STARD3: variants seen among roughly 807,000 people sequenced by gnomAD.
The protein encoded by STARD3 is StAR related lipid transfer domain containing 3, also known as stAR-related lipid transfer protein 3.
STARD3 carries 39 observed loss-of-function variants against 62.0 expected under a neutral mutation model. The observed-to-expected ratio is 0.63, with a 90% confidence interval of 0.49 to 0.82. STARD3 has a LOEUF of 0.82. Among genes scored for constraint, STARD3 ranks in the 40% least tolerant of loss-of-function variants. STARD3 has a pLI of 0.00. For synonymous variants in STARD3, 229 were observed against 242.4 expected, an observed-to-expected ratio of 0.94 and a Z score of 0.51; for missense variants, 543 against 584.5, an observed-to-expected ratio of 0.93 and a Z score of 0.73.
chr17:39,638,041 C>G (rs1011026861), intron 1 of STARD3, among the ~76,000 whole-genome samples: 3 of 152,222 alleles, frequency 2.0e-5, no homozygotes, highest in Non-Finnish European at 4.4e-5. Context: ...TTGAACTGGT[C>G]TTTTCCTTGC....
Position 39,660,342 on chromosome 17 carries a change from C to G in STARD3, c.858+69C>G. On this transcript the variant is annotated intron_variant, in intron 10 of 14. Coordinates refer to ENST00000336308, the MANE Select transcript of STARD3 (RefSeq NM_006804.4). This position sits in a 1 kb window ranked among gnomAD's most constrained non-coding sequence, Gnocchi z 4.8. The stretch of plus-strand genomic sequence containing the variant: ...GAGGCTCCAGGAAGGTGCCGAGGGG[C>G]CCTCTGGTGGGTGCCCCCCACCAAG... 6.2e-7 allele frequency: 1 copy of G among 1,611,134 alleles called. No individual in the cohort carries two copies. The highest frequency in any genetic ancestry group is 8.5e-7 in the Non-Finnish European group (1 of 1,177,780).
rs1434859734 is a variant in STARD3 at position 39,657,031 on chromosome 17, C to G, written c.243C>G (p.Asn81Lys). ...ELNTNTGIRK[N>K]LEQEIIQYNF... ...AGACCAACACAGGCATCCGTAAGAA[C>G]TTGGAGCAGGAGATCATCCAGTACA... Residue 81 changes from asparagine (N) to lysine (K), a missense_variant, in exon 3 of 15, where the codon AAC becomes AAG. By Grantham distance (94) the Asn-to-Lys change is moderately conservative (BLOSUM62 0). Transcript: ENST00000336308. 6.2e-7 allele frequency: 1 copy of G among 1,614,090 alleles called. No individual in the cohort carries two copies. Among genetic ancestry groups the G allele is most frequent in the African/African-American group, 1.3e-5 (1 of 74,934 alleles).
intron 2 of STARD3, among the ~76,000 whole-genome samples, chr17:39,654,922 A>G (rs1404265887): frequency 1.3e-5 from 2 of 152,210 alleles, no homozygotes; most frequent in East Asian, 1.9e-4. Context: ...TCTGAGGGTG[A>G]CTGTCGATTG....
At position 39,662,847 on chromosome 17, in the gene STARD3, C is replaced by A. The variant is rs2057215522; in HGVS notation, c.1277C>A (p.Thr426Asn). ...RYLIHQSLAATMFEFAFHLRQ... is the reference protein window; with the variant it reads ...RYLIHQSLAANMFEFAFHLRQ... Reference sequence around the variant, plus strand: ...CTCATCCACCAGAGCCTCGCGGCCACCATGTTTGAATTTGCCTTTCACCTG... The same window carrying A: ...CTCATCCACCAGAGCCTCGCGGCCAACATGTTTGAATTTGCCTTTCACCTG... The change falls in exon 15 of 15, where the codon ACC (threonine) becomes AAC (asparagine). Residue 426 changes from threonine (T) to asparagine (N), a missense_variant. Transcript: ENST00000336308. The A allele has an allele frequency of 6.2e-7, 1 of 1,612,426 alleles. No individual in the cohort carries two copies. Among genetic ancestry groups the A allele is most frequent in the Non-Finnish European group, 8.5e-7 (1 of 1,179,434 alleles).
At chr17:39,643,655 C>CT (rs36006473) in intron 1 of STARD3, among the ~76,000 whole-genome samples, 5,470 of 152,286 alleles carry the variant, frequency 0.036, 224 homozygotes, top group African/African-American at 0.1. Context: ...GGGCCTCTGC[C>CT]TTCTACCCTC....
intron 2 of STARD3, among the ~76,000 whole-genome samples, 163 bp downstream of exon 2, chr17:39,653,913 A>G (rs1051597793): frequency 1.3e-5 from 2 of 152,148 alleles, no homozygotes; most frequent in Non-Finnish European, 2.9e-5. Flanking sequence ...GAATGAAGGA[A>G]TGTGGAGGGG....
chr17:39,655,110 A>G (rs1423712168), intron 2 of STARD3, among the ~76,000 whole-genome samples: 1 of 152,244 alleles, frequency 6.6e-6, no homozygotes, highest in African/African-American at 2.4e-5. Flanking sequence ...AGCAAACACT[A>G]AAACTTACCT....
At chr17:39,638,657 A>C (rs970609000) in intron 1 of STARD3, among the ~76,000 whole-genome samples, 2 of 152,220 alleles carry the variant, frequency 1.3e-5, no homozygotes, top group Admixed American at 6.5e-5. Context: ...ATAGTAGCTG[A>C]GAATACAGAC....
At position 39,659,465 on chromosome 17, in the gene STARD3, G is replaced by A. The variant is rs570723359; in HGVS notation, c.707G>A (p.Arg236Gln). 10 of 1,613,912 alleles carry A rather than the reference G, an allele frequency of 6.2e-6. No individual in the cohort carries two copies. In the Admixed American group the frequency reaches 6.7e-5, roughly 11 times the overall value. Residue 236 changes from arginine (R) to glutamine (Q), a missense_variant, in exon 9 of 15, where the codon CGG becomes CAG. Transcript: ENST00000336308. The part of the protein sequence containing the change: ...AGKKSFSAQE[R>Q]EYIRQGKEAT... ...CTGCCTCCTGCTTCCGTCCAGGAGC[G>A]GGAGTACATCCGCCAGGGGAAGGAG...
intron 1 of STARD3, among the ~76,000 whole-genome samples, chr17:39,644,021 C>T (rs2057003062): frequency 6.6e-6 from 1 of 152,232 alleles, no homozygotes; most frequent in South Asian, 2.1e-4. Context: ...CTCTCAGCTT[C>T]ACTGATCCTT....
intron 2 of STARD3, among the ~76,000 whole-genome samples, chr17:39,656,528 A>G (rs1433125279): frequency 1.3e-5 from 2 of 152,188 alleles, no homozygotes; most frequent in African/African-American, 4.8e-5. Context: ...CCCATTAAGC[A>G]TAAACCTAAT....
At chr17:39,661,561 C>A (rs946176798) in intron 13 of STARD3, among the ~76,000 whole-genome samples, 12 of 152,224 alleles carry the variant, frequency 7.9e-5, no homozygotes, top group African/African-American at 2.9e-4. Context: ...GGCCTTCCCG[C>A]ATCTGTGCCT....
Position 39,662,540 on chromosome 17 carries a change from C to T in STARD3, c.1233+196C>T, listed in dbSNP as rs763023545. ...GGGTTGCTGTAGGGCATGTGCCCCC[C>T]CTTCTTACCTCTGAGTCCTGAGGCC... On this transcript the variant is annotated intron_variant, in intron 14 of 14. Transcript: ENST00000336308. 25 of 644,292 alleles carry T rather than the reference C, an allele frequency of 3.9e-5. No individual in the cohort carries two copies. In the Admixed American group the frequency reaches 4.0e-4, roughly 10 times the overall value. 39.9% of individuals were successfully genotyped at this position (644,292 alleles called of 1,614,324 possible).
chr17:39,657,983 T>A lies in STARD3; in HGVS notation c.386T>A (p.Leu129Gln). ...CCCTCCCCTGGGCAGGTCACGACGC[T>A]GGTGTCCAGTGCATTCCTCATTGTC... is the stretch of plus-strand genomic sequence containing the variant. ...RHWWVIAVTT[L>Q]VSSAFLIVKV... is the part of the protein sequence containing the mutation. Residue 129 changes from leucine to glutamine, a missense_variant, in exon 5 of 15, where the codon CTG becomes CAG. Transcript: ENST00000336308. The A allele has an allele frequency of 1.3e-6, 2 of 1,579,632 alleles. No homozygotes were observed. The highest frequency in any genetic ancestry group is 1.7e-6 in the Non-Finnish European group (2 of 1,162,642).
rs2057186777 is a variant in STARD3 at position 39,660,672 on chromosome 17, G to A, written c.955-138G>A. 3 of 1,347,548 alleles carry A rather than the reference G, an allele frequency of 2.2e-6. No homozygotes were observed. The highest frequency in any genetic ancestry group is 3.1e-6 in the Non-Finnish European group (3 of 960,398). The allele number at this position is 1,347,548 out of a possible 1,614,324, so 83.5% of individuals were successfully genotyped here. A position where few individuals can be genotyped will look rare whatever the true frequency, so the allele number is the denominator to read the frequency against. Reference sequence around the variant, plus strand: ...TGCCTGCTCGGGAGGGTCGGGAGGAGGGCAGGAGGAGTGCTCATCAGGCGC... The same window carrying A: ...TGCCTGCTCGGGAGGGTCGGGAGGAAGGCAGGAGGAGTGCTCATCAGGCGC... On this transcript the variant is annotated intron_variant, in intron 11 of 14. Coordinates refer to ENST00000336308, the MANE Select transcript of STARD3 (RefSeq NM_006804.4). The surrounding 1 kb of genome is among the most constrained non-coding windows in gnomAD (Gnocchi z 4.8).
rs1010774329 is a variant in STARD3 at position 39,661,080 on chromosome 17, T to C, written c.1134T>C (p.Tyr378=). 1.9e-6 allele frequency: 3 copies of C among 1,613,472 alleles called. No homozygotes were observed. The highest frequency in any genetic ancestry group is 2.5e-6 in the Non-Finnish European group (3 of 1,179,988). ...SHSAKPPTHK[Y]VRGENGPGGF... is the part of the protein sequence containing the mutation. ...GTGCCAAGCCCCCGACGCACAAATA[T>C]GTCCGGTGAGCCTCACTTTGCCTGG... The change falls in exon 13 of 15, where the codon TAT becomes TAC. Residue 378 remains tyrosine, a synonymous_variant. Transcript: ENST00000336308.
Position 39,663,409 on chromosome 17 carries a change from C to CCTCTCCCAGGCTGTT in STARD3, c.*502_*503insTCTCCCAGGCTGTTC. The CCTCTCCCAGGCTGTT allele has an allele frequency of 3.9e-6, 1 of 254,036 alleles. No homozygotes were observed. Among genetic ancestry groups the CCTCTCCCAGGCTGTT allele is most frequent in the Non-Finnish European group, 7.4e-6 (1 of 134,472 alleles). 15.7% of individuals were successfully genotyped at this position (254,036 alleles called of 1,614,324 possible). ...TGAATCTCTGCCTCTCCCAGGCTGTCCCCCTCCTCCCAGGGCCTCCTGGGG... is the reference window on the plus strand; with the variant it reads ...TGAATCTCTGCCTCTCCCAGGCTGTCCTCTCCCAGGCTGTTCCCCTCCTCCCAGGGCCTCCTGGGG... On this transcript the variant is annotated 3_prime_UTR_variant, in exon 15 of 15. Transcript: ENST00000336308.
chr17:39,649,461 A>G (rs962305493), intron 1 of STARD3, among the ~76,000 whole-genome samples: 1 of 152,274 alleles, frequency 6.6e-6, no homozygotes, highest in Admixed American at 6.5e-5. Flanking sequence ...AGAACGAGAA[A>G]GACAATGTAA....
At chr17:39,649,850 A>G (rs2057060254) in intron 1 of STARD3, among the ~76,000 whole-genome samples, 1 of 136,790 alleles carries the variant, frequency 7.3e-6, no homozygotes, top group East Asian at 2.2e-4. Flanking sequence ...TGGGCCACAG[A>G]GTGAGACTCC....
Sources: allele counts gnomAD v4.1 joint callset (sites outside exome capture counted in the v4.1 genomes callset), GRCh38; gene constraint gnomAD v4.1.1; non-coding constraint Gnocchi (gnomAD v3.1); transcripts MANE v1.5; gene names NCBI Gene and HGNC (gene_info 2026-07-23, HGNC 2026-07-21).